Variants in BTG4 observed in about 807,000 individuals in gnomAD.
BTG4 encodes the protein BTG anti-proliferation factor 4.
A neutral mutation model predicts 19.3 loss-of-function variants in BTG4; 10 were observed. That is an observed-to-expected ratio of 0.52 (90% CI 0.32 to 0.88). The LOEUF is 0.88. Ranked by LOEUF, BTG4 falls within the 40% of genes least tolerant of loss-of-function variation. The pLI is 0.04. For synonymous variants in BTG4, 91 were observed against 95.7 expected (o/e 0.95, Z 0.29); for missense variants, 238 against 281.9 (o/e 0.84, Z 1.11).
intron 5 of BTG4, among the ~76,000 whole-genome samples, chr11:111,483,471 C>T (rs1448485936): frequency 6.6e-6 from 1 of 151,954 alleles, no homozygotes. Context: ...AGCTCAGCAA[C>T]ATAGATAAAA....
chr11:111,480,745 A>G (rs1473758860), intron 5 of BTG4, among the ~76,000 whole-genome samples: 1 of 151,982 alleles, frequency 6.6e-6, no homozygotes, highest in Non-Finnish European at 1.5e-5. Flanking sequence ...ATACATTGAA[A>G]TGAATATCAA....
chr11:111,456,976 G>A, the BTG4 span: 3 of 163,926 alleles, frequency 1.8e-5, no homozygotes, highest in South Asian at 1.7e-4. This position sits in a 1 kb window ranked among gnomAD's most constrained non-coding sequence, Gnocchi z 4.2. Flanking sequence ...AAAGGAGGCA[G>A]GTCCCAAGGC....
At chr11:111,431,348 T>C in the BTG4 span, among the ~76,000 whole-genome samples, 1 of 152,154 alleles carries the variant, frequency 6.6e-6, no homozygotes, top group Admixed American at 6.5e-5. Context: ...ATCTCATGAA[T>C]CTTCATAGCA....
chr11:111,386,370 C>T, the BTG4 span: 4 of 152,132 alleles, frequency 2.6e-5, no homozygotes, highest in South Asian at 2.1e-4. Flanking sequence ...AAAATTCATA[C>T]GACCTTTCAA....
At chr11:111,407,541 G>A in the BTG4 span, among the ~76,000 whole-genome samples, 80 of 152,180 alleles carry the variant, frequency 5.3e-4, no homozygotes, top group African/African-American at 1.7e-3. Flanking sequence ...ACATGGTGGC[G>A]GGCACCTGTA....
At chr11:111,398,877 G>A in the BTG4 span, among the ~76,000 whole-genome samples, 1 of 152,090 alleles carries the variant, frequency 6.6e-6, no homozygotes. Context: ...CAAGGCCAAG[G>A]TTGAGAACCA....
rs1865867347 is a variant in BTG4 at position 111,498,384 on chromosome 11, T to C, written c.173+220A>G. ...TTTCATGGCAAAGACAAGTTAGAAA[T>C]TGTTTAATCTACCTCACATAAGGGG... On this transcript the variant is annotated intron_variant, in intron 2 of 4. Transcript: ENST00000692032. Among the ~76,000 whole-genome samples the C allele has an allele frequency of 2.0e-5, 3 of 152,236 alleles. No homozygotes were observed. In the South Asian group the frequency reaches 6.2e-4, roughly 32 times the overall value.
the BTG4 span, among the ~76,000 whole-genome samples, chr11:111,423,917 G>A: frequency 6.6e-6 from 1 of 152,140 alleles, no homozygotes; most frequent in Non-Finnish European, 1.5e-5. Context: ...CCTGCCAGAA[G>A]AGGAGGCCGA....
In BTG4 at chr11:111,512,209, G is replaced by T. The variant is rs1248216315; in HGVS notation, c.-55C>A. ...GGAAGCCGCTTTCCCAGGGCGGAAT[G>T]GTCACGGAAACTGGGTAGGCTGGGG... On this transcript the variant is annotated 5_prime_UTR_variant, in exon 1 of 5. Transcript: ENST00000692032. 8 of 152,354 alleles carry T rather than the reference G, an allele frequency of 5.3e-5. No individual in the cohort carries two copies. In the South Asian group the frequency reaches 1.7e-3, roughly 32 times the overall value. The allele number at this position is 152,354 out of a possible 1,614,324, so 9.4% of individuals were successfully genotyped here.
rs113376041 is a variant in BTG4 at position 111,468,174 on chromosome 11, T to C, written c.663-493A>G. On this transcript the variant is annotated intron_variant, in intron 5 of 5. Coordinates refer to the BTG4 transcript ENST00000356018. Reference sequence around the variant, plus strand: ...ACTTGACTAGTAGGTTGTTGGGGGGTTTAATAAAACCAGAAACTACTCACA... The same window carrying C: ...ACTTGACTAGTAGGTTGTTGGGGGGCTTAATAAAACCAGAAACTACTCACA... Among the ~76,000 whole-genome samples the C allele has an allele frequency of 9.2e-5, 14 of 151,848 alleles. No individual in the cohort carries two copies. In the East Asian group the frequency reaches 2.5e-3, roughly 27 times the overall value.
chr11:111,486,519 C>T (rs918858298), intron 5 of BTG4, among the ~76,000 whole-genome samples: 1 of 152,168 alleles, frequency 6.6e-6, no homozygotes, highest in Non-Finnish European at 1.5e-5. Context: ...GAAGGTAATA[C>T]TTCCAAACCC....
At chr11:111,467,122 T>A (rs900698803), downstream of BTG4, among the ~76,000 whole-genome samples, 1 of 152,234 alleles carries the variant, frequency 6.6e-6, no homozygotes, top group African/African-American at 2.4e-5. Flanking sequence ...ACTTTCTACA[T>A]GCCAGAAAAT....
chr11:111,469,576 G>A (rs907476668), intron 5 of BTG4, among the ~76,000 whole-genome samples: 12 of 152,150 alleles, frequency 7.9e-5, no homozygotes, highest in African/African-American at 2.9e-4. Context: ...TTTCCTATGA[G>A]CACAGCATCT....
chr11:111,463,748 A>C (rs2135500029), downstream of BTG4, among the ~76,000 whole-genome samples: 1 of 152,312 alleles, frequency 6.6e-6, no homozygotes, highest in East Asian at 1.9e-4. Flanking sequence ...TTAGCTGGGT[A>C]CCTCTGGCCC....
chr11:111,493,397 G>T (rs1372823403), downstream of BTG4, among the ~76,000 whole-genome samples: 1 of 152,200 alleles, frequency 6.6e-6, no homozygotes, highest in Non-Finnish European at 1.5e-5. Flanking sequence ...AGGGCAGAAG[G>T]TAGGGAGGCA....
chr11:111,390,928 G>A, the BTG4 span, among the ~76,000 whole-genome samples: 4 of 152,318 alleles, frequency 2.6e-5, no homozygotes, highest in African/African-American at 7.2e-5. Flanking sequence ...ACCCACCTCC[G>A]ATGGAGTTTG....
At chr11:111,446,679 T>G in the BTG4 span, among the ~76,000 whole-genome samples, 243 of 151,152 alleles carry the variant, frequency 1.6e-3, 1 homozygote, top group African/African-American at 5.4e-3. Context: ...CAGCATTTCC[T>G]CTTCTCCTTC....
intron 1 of BTG4, among the ~76,000 whole-genome samples, chr11:111,503,760 A>G (rs367689066): frequency 1.2e-4 from 19 of 152,188 alleles, no homozygotes; most frequent in African/African-American, 4.6e-4. Context: ...TATGACTGAC[A>G]TGACCTTGTA....
chr11:111,498,066 T>C lies in BTG4; in HGVS notation c.243A>G (p.Val81=). 2 of 1,614,178 alleles carry C rather than the reference T, an allele frequency of 1.2e-6. No individual in the cohort carries two copies. Among genetic ancestry groups the C allele is most frequent in the South Asian group, 2.2e-5 (2 of 91,080 alleles). ...ILERACVESN[V]DFSHLGLPKE... ...TCGGAAGTCCCAGGTGAGAAAAATC[T>C]ACATTACTTTCCACACATGCCCTTT... Residue 81 remains valine (V), a synonymous_variant, in exon 3 of 5, where the codon GTA becomes GTG. Transcript: ENST00000692032.
Sources: gnomAD v4.1 joint callset for allele counts (sites outside exome capture counted in the v4.1 genomes callset) on GRCh38, gnomAD v4.1.1 for gene constraint, Gnocchi (gnomAD v3.1) non-coding constraint, MANE v1.5 for transcripts, NCBI Gene and HGNC (gene_info 2026-07-23, HGNC 2026-07-21) for gene names.